Variants in RABGAP1L observed in about 807,000 individuals in gnomAD.
RABGAP1L encodes rab GTPase-activating protein 1-like.
Under a neutral mutation model 137.7 loss-of-function variants are expected in RABGAP1L, and 63 were observed. That is an observed-to-expected ratio of 0.46 (90% confidence interval 0.37 to 0.56). The LOEUF is 0.56. Ranked by LOEUF, RABGAP1L falls within the 20% of genes least tolerant of loss-of-function variation. RABGAP1L has a pLI of 0.00. For missense variants in RABGAP1L, 1,095 were observed against 1,244.0 expected, an observed-to-expected ratio of 0.88 and a Z score of 1.80; for synonymous variants, 431 against 433.7, an observed-to-expected ratio of 0.99 and a Z score of 0.08.
chr1:174,373,254 G>C (rs1571470255), intron 12 of RABGAP1L, among the ~76,000 whole-genome samples: 1 of 152,308 alleles, frequency 6.6e-6, no homozygotes, highest in Middle Eastern at 3.4e-3. Context: ...GACTTTTTCA[G>C]TCTCAGACCA....
rs921226851 is a variant in RABGAP1L, at chr1:174,799,827, A to G, written c.2212-12005A>G. Reference sequence around the variant, plus strand: ...TGCTTGTCACGAATCGAGGATTGCAATGAGCTCATCGTTTTCTCCTTGCAG... The same window carrying G: ...TGCTTGTCACGAATCGAGGATTGCAGTGAGCTCATCGTTTTCTCCTTGCAG... On this transcript the variant is annotated intron_variant, in intron 18 of 25. Coordinates refer to ENST00000681986, the MANE Select transcript of RABGAP1L (RefSeq NM_001366446.1). The G allele has an allele frequency of 5.0e-6, 5 of 991,348 alleles. No homozygotes were observed. In the African/African-American group the frequency reaches 5.3e-5, roughly 10 times the overall value. 61.4% of individuals were successfully genotyped at this position (991,348 alleles called of 1,614,324 possible). A position where few individuals can be genotyped will look rare whatever the true frequency, so the allele number is the denominator to read the frequency against.
chr1:174,925,078 C>A (rs1335374832), intron 19 of RABGAP1L, among the ~76,000 whole-genome samples: 1 of 151,944 alleles, frequency 6.6e-6, no homozygotes, highest in African/African-American at 2.4e-5. Flanking sequence ...GAAAAGACAG[C>A]GGGTGGGCCG....
intron 20 of RABGAP1L, among the ~76,000 whole-genome samples, chr1:174,961,817 G>C (rs1314998668): frequency 3.0e-5 from 4 of 134,356 alleles, no homozygotes; most frequent in African/African-American, 1.1e-4. Context: ...CTGCACTCCA[G>C]CGTGGGCAAT....
chr1:174,368,980 C>G (rs1343692999), intron 11 of RABGAP1L, among the ~76,000 whole-genome samples: 1 of 152,024 alleles, frequency 6.6e-6, no homozygotes, highest in Admixed American at 6.6e-5. Flanking sequence ...ATTTTGGTCT[C>G]TAATTTGGCA....
chr1:174,528,119 G>A (rs982225985), intron 13 of RABGAP1L, among the ~76,000 whole-genome samples: 1 of 151,316 alleles, frequency 6.6e-6, no homozygotes, highest in African/African-American at 2.4e-5. Flanking sequence ...TATCTATTAA[G>A]TGAAGAGTTT....
At chr1:174,401,619 CT>C (rs576609975) in intron 13 of RABGAP1L, among the ~76,000 whole-genome samples, 1 of 152,264 alleles carries the variant, frequency 6.6e-6, no homozygotes, top group Non-Finnish European at 1.5e-5. Flanking sequence ...CTGTTATCTA[CT>C]TGTACCGCTA....
intron 17 of RABGAP1L, among the ~76,000 whole-genome samples, chr1:174,752,104 A>G (rs965648423): frequency 6.6e-6 from 1 of 152,200 alleles, no homozygotes; most frequent in African/African-American, 2.4e-5. Context: ...AAACAATTTT[A>G]TGTGAACATT....
chr1:174,457,894 A>G (rs937645680), intron 13 of RABGAP1L, among the ~76,000 whole-genome samples: 1 of 152,168 alleles, frequency 6.6e-6, no homozygotes, highest in Admixed American at 6.6e-5. Context: ...GGTTATTATG[A>G]CAGGCAGGTT....
At chr1:174,888,904 A>G (rs1215895365) in intron 19 of RABGAP1L, among the ~76,000 whole-genome samples, 1 of 152,202 alleles carries the variant, frequency 6.6e-6, no homozygotes, top group African/African-American at 2.4e-5. Context: ...ATGAAATCCC[A>G]CATAGTTACA....
rs778124188 is a variant in RABGAP1L at position 174,231,367 on chromosome 1, T to A, written c.542+12T>A. Reference sequence around the variant, plus strand: ...GAAGGTTCTGTGAGGTAAGCTCTAATTTGTTTTTCTTTAGACACATATTAA... The same window carrying A: ...GAAGGTTCTGTGAGGTAAGCTCTAAATTGTTTTTCTTTAGACACATATTAA... On this transcript the variant is annotated intron_variant, in intron 4 of 25. Transcript: ENST00000681986. The A allele has an allele frequency of 1.2e-6, 2 of 1,608,198 alleles. No individual in the cohort carries two copies. The highest frequency in any genetic ancestry group is 1.7e-6 in the Non-Finnish European group (2 of 1,174,894).
At chr1:174,824,906 A>G (rs528809178) in intron 19 of RABGAP1L, among the ~76,000 whole-genome samples, 7 of 152,214 alleles carry the variant, frequency 4.6e-5, no homozygotes, top group Non-Finnish European at 1.0e-4. Flanking sequence ...CATATCTCCA[A>G]CTGTTGTTTG....
In RABGAP1L at chr1:174,879,486, G is replaced by A. The variant is rs187977900; in HGVS notation, c.2340+67526G>A. ...CTGACCTCATGATCCACCCACCTTG[G>A]CCTCCCAAAGTGCTGGGATTGCAGG... is the stretch of plus-strand genomic sequence containing the variant. On this transcript the variant is annotated intron_variant, in intron 19 of 25. Transcript: ENST00000681986. Among the ~76,000 whole-genome samples, 379 of 152,124 alleles carry A rather than the reference G, an allele frequency of 2.5e-3. 3 individuals are homozygous for A. Among genetic ancestry groups the A allele is most frequent in the African/African-American group, 8.6e-3 (358 of 41,484 alleles).
chr1:174,326,916 A>T (rs1051181261), intron 11 of RABGAP1L, among the ~76,000 whole-genome samples: 1 of 152,186 alleles, frequency 6.6e-6, no homozygotes, highest in Non-Finnish European at 1.5e-5. Context: ...GCTGAAGGGA[A>T]ACAATCAAAC....
chr1:174,584,659 A>T (rs1668985784), intron 13 of RABGAP1L, among the ~76,000 whole-genome samples: 2 of 152,202 alleles, frequency 1.3e-5, no homozygotes. Context: ...ACTTTGTAAG[A>T]AACCTTGGTA....
chr1:174,512,918 A>G (rs150070259), intron 13 of RABGAP1L, among the ~76,000 whole-genome samples: 15 of 152,344 alleles, frequency 9.8e-5, no homozygotes, highest in African/African-American at 3.4e-4. Flanking sequence ...ATAAAGAGAT[A>G]TACATACAAA....
chr1:174,618,643 C>T lies in RABGAP1L; in HGVS notation c.1711-18732C>T, dbSNP rs534865574. Among the ~76,000 whole-genome samples the T allele has an allele frequency of 2.6e-5, 4 of 152,230 alleles. No homozygotes were observed. In the South Asian group the frequency reaches 6.2e-4, roughly 24 times the overall value. ...CATCCACACCAAAACCCCATCTATACGTCACCATCATCAAAGACCAAAGGT... is the reference window on the plus strand; with the variant it reads ...CATCCACACCAAAACCCCATCTATATGTCACCATCATCAAAGACCAAAGGT... On this transcript the variant is annotated intron_variant, in intron 13 of 25. Transcript: ENST00000681986.
intron 19 of RABGAP1L, among the ~76,000 whole-genome samples, chr1:174,924,511 A>G (rs1029548034): frequency 1.3e-5 from 2 of 152,082 alleles, no homozygotes; most frequent in Admixed American, 6.6e-5. Flanking sequence ...TTTATGGAGA[A>G]CTCTAAAGGA....
At chr1:174,361,157 C>T (rs1042003572) in intron 11 of RABGAP1L, among the ~76,000 whole-genome samples, 7 of 151,784 alleles carry the variant, frequency 4.6e-5, no homozygotes, top group Non-Finnish European at 8.8e-5. Context: ...CATGCAAGTC[C>T]CATGCTGTTT....
chr1:174,242,014 G>A (rs1368773521), intron 5 of RABGAP1L, among the ~76,000 whole-genome samples: 4 of 152,150 alleles, frequency 2.6e-5, no homozygotes, highest in South Asian at 2.1e-4. Context: ...TGCCTATAAC[G>A]ATACCTGTTT....
Sources: gnomAD v4.1 joint callset for allele counts (sites outside exome capture counted in the v4.1 genomes callset) on GRCh38, gnomAD v4.1.1 for gene constraint, MANE v1.5 for transcripts, NCBI Gene and HGNC (gene_info 2026-07-23, HGNC 2026-07-21) for gene names.